Variants in PDE8A observed in about 807,000 individuals in gnomAD.
PDE8A encodes the protein phosphodiesterase 8A.
Under a neutral mutation model 105.0 loss-of-function variants are expected in PDE8A, and 59 were observed. That is an observed-to-expected ratio of 0.56 (90% CI 0.46 to 0.70). PDE8A has a LOEUF of 0.70. PDE8A is among the 30% of genes least tolerant of loss of function. PDE8A has a pLI of 0.00. For synonymous variants in PDE8A, 355 were observed against 371.9 expected (o/e 0.95, Z 0.52); for missense variants, 1,014 against 1,045.9 (o/e 0.97, Z 0.42).
At position 85,138,810 on chromosome 15, in the gene PDE8A, G is replaced by GGACTT. The variant is rs1390723384; in HGVS notation, c.*908_*912dup. On this transcript the variant is annotated 3_prime_UTR_variant, in exon 22 of 22. Transcript: ENST00000394553. ...CTTGTTGGTTCGCAAAGAAAAGTTAGGACTTAACACTTTTTTCTAAAATTT... is the reference window on the plus strand; with the variant it reads ...CTTGTTGGTTCGCAAAGAAAAGTTAGGACTTGACTTAACACTTTTTTCTAAAATTT... The GGACTT allele has an allele frequency of 2.0e-5, 3 of 152,118 alleles. No individual in the cohort carries two copies. Among genetic ancestry groups the GGACTT allele is most frequent in the African/African-American group, 7.2e-5 (3 of 41,414 alleles). 9.4% of individuals were successfully genotyped at this position (152,118 alleles called of 1,614,324 possible).
intron 1 of PDE8A, among the ~76,000 whole-genome samples, chr15:85,028,072 T>A (rs918973904): frequency 6.6e-6 from 1 of 152,254 alleles, no homozygotes; most frequent in Non-Finnish European, 1.5e-5. Flanking sequence ...AATATATAAC[T>A]AAATCTTTTT....
intron 14 of PDE8A, 166 bp from the exon 15 acceptor site, chr15:85,115,273 G>A: frequency 1.0e-5 from 6 of 576,818 alleles, no homozygotes; most frequent in Non-Finnish European, 1.2e-5. Flanking sequence ...AAGTGACTGA[G>A]GTCAGTGGTC....
At chr15:85,024,947 C>A (rs2080489481) in intron 1 of PDE8A, among the ~76,000 whole-genome samples, 1 of 152,188 alleles carries the variant, frequency 6.6e-6, no homozygotes, top group African/African-American at 2.4e-5. Context: ...GTGCATTACA[C>A]ATTAAAAAGT....
intron 19 of PDE8A, among the ~76,000 whole-genome samples, chr15:85,124,242 T>G (rs2082226240): frequency 6.6e-6 from 1 of 152,206 alleles, no homozygotes; most frequent in Non-Finnish European, 1.5e-5. Context: ...TTTGCTTATC[T>G]GTAGAATGGG....
chr15:85,098,174 G>T (rs1296952215), intron 9 of PDE8A, 138 bp downstream of exon 9: 1 of 656,458 alleles, frequency 1.5e-6, no homozygotes, highest in Non-Finnish European at 2.7e-6. Context: ...TTCCAGCATA[G>T]TGTTTTCTTG....
chr15:84,996,852 G>GAAA (rs2079986960), intron 1 of PDE8A, among the ~76,000 whole-genome samples: 1 of 86,378 alleles, frequency 1.2e-5, no homozygotes, highest in African/African-American at 4.8e-5. Context: ...AAAAAAAAAG[G>GAAA]TGGTACACTT....
intron 20 of PDE8A, among the ~76,000 whole-genome samples, chr15:85,128,389 G>A (rs2082287347): frequency 1.3e-5 from 2 of 152,152 alleles, no homozygotes; most frequent in South Asian, 2.1e-4. Context: ...GCACGTGCCT[G>A]TGGTCCCAGT....
At position 85,049,336 on chromosome 15, in the gene PDE8A, CA is replaced by C. The variant is rs755890388; in HGVS notation, c.187-15032del. Among the ~76,000 whole-genome samples, 7 of 152,148 alleles carry C rather than the reference CA, an allele frequency of 4.6e-5. No homozygotes were observed. The East Asian group carries it at 9.6e-4, about 21-fold the overall frequency. ...AAACTAAAACAATATATCAATTAAA[CA>C]AGAGCTTCCCCATTCTTCCCTTCCC... On this transcript the variant is annotated intron_variant, in intron 1 of 21. Coordinates refer to ENST00000394553, the MANE Select transcript of PDE8A (RefSeq NM_002605.3).
At chr15:85,040,933 A>G (rs1317771135) in intron 1 of PDE8A, among the ~76,000 whole-genome samples, 2 of 152,076 alleles carry the variant, frequency 1.3e-5, no homozygotes, top group African/African-American at 2.4e-5. Flanking sequence ...TTAATTTGGC[A>G]TGTTTTTAAG....
intron 1 of PDE8A, among the ~76,000 whole-genome samples, chr15:84,996,586 C>T (rs564262330): frequency 2.2e-4 from 34 of 151,926 alleles, no homozygotes; most frequent in Middle Eastern, 3.4e-3. Flanking sequence ...GCACTTTGGG[C>T]GGCTGAGGCG....
At chr15:85,123,947 T>C (rs2082222021) in intron 19 of PDE8A, among the ~76,000 whole-genome samples, 1 of 152,160 alleles carries the variant, frequency 6.6e-6, no homozygotes, top group African/African-American at 2.4e-5. Context: ...CCCCCTCCCT[T>C]CTTCTCCATT....
chr15:85,007,583 A>G (rs2080169503), intron 1 of PDE8A, among the ~76,000 whole-genome samples: 1 of 151,986 alleles, frequency 6.6e-6, no homozygotes, highest in African/African-American at 2.4e-5. Context: ...GCCCCACCAC[A>G]TTGTTTTCAG....
intron 20 of PDE8A, among the ~76,000 whole-genome samples, chr15:85,132,205 C>T (rs1010735142): frequency 2.6e-5 from 4 of 152,054 alleles, no homozygotes; most frequent in African/African-American, 9.7e-5. Flanking sequence ...CTCCTGGGTT[C>T]AAGAAACCCT....
intron 1 of PDE8A, among the ~76,000 whole-genome samples, chr15:85,060,392 C>G (rs886299047): frequency 6.6e-6 from 1 of 152,110 alleles, no homozygotes; most frequent in African/African-American, 2.4e-5. Flanking sequence ...TTGGTGGGTT[C>G]CACGTCCATG....
At chr15:85,020,554 A>C (rs1236667748) in intron 1 of PDE8A, among the ~76,000 whole-genome samples, 1 of 152,236 alleles carries the variant, frequency 6.6e-6, no homozygotes, top group Non-Finnish European at 1.5e-5. Flanking sequence ...CAGTGAGCCA[A>C]AATTGTACCA....
chr15:85,092,037 T>C (rs1174716177), intron 8 of PDE8A, among the ~76,000 whole-genome samples: 1 of 151,770 alleles, frequency 6.6e-6, no homozygotes, highest in African/African-American at 2.4e-5. Context: ...GTCTCCCCTA[T>C]GGCATTTGGC....
chr15:85,041,956 G>A (rs1411933061), intron 1 of PDE8A, among the ~76,000 whole-genome samples: 3 of 152,024 alleles, frequency 2.0e-5, no homozygotes, highest in African/African-American at 4.8e-5. Context: ...GAAACCCCAA[G>A]TTCCGTTTTC....
intron 20 of PDE8A, among the ~76,000 whole-genome samples, chr15:85,127,897 TTAAAA>T (rs961420118): frequency 6.8e-4 from 103 of 151,894 alleles, no homozygotes; most frequent in African/African-American, 2.3e-3. Context: ...GCTTCAAAAC[TTAAAA>T]TAATCAAGAA....
intron 1 of PDE8A, among the ~76,000 whole-genome samples, chr15:85,035,427 C>T (rs2080689553): frequency 6.6e-6 from 1 of 151,970 alleles, no homozygotes; most frequent in Admixed American, 6.5e-5. Flanking sequence ...CCAGGCTGGT[C>T]TCAAGCTCCT....
Sources: allele counts gnomAD v4.1 joint callset (sites outside exome capture counted in the v4.1 genomes callset), GRCh38; gene constraint gnomAD v4.1.1; transcripts MANE v1.5; gene names NCBI Gene and HGNC (gene_info 2026-07-23, HGNC 2026-07-21).